Variants in GAREM2 observed in about 807,000 individuals in gnomAD.
GAREM2 encodes GRB2 associated regulator of MAPK1 subtype 2, also known as GRB2-associated and regulator of MAPK protein 2.
In GAREM2, 30 loss-of-function variants were observed where a neutral mutation model predicts 55.6. The observed-to-expected ratio is 0.54, with a 90% CI of 0.40 to 0.73. GAREM2 has a LOEUF of 0.73. Ranked by LOEUF, GAREM2 falls within the 30% of genes least tolerant of loss-of-function variation. GAREM2 has a pLI of 0.00. For synonymous variants in GAREM2, 550 were observed against 569.1 expected (o/e 0.97, Z 0.48); for missense variants, 1,075 against 1,257.7 (o/e 0.85, Z 2.20).
chr2:26,176,247 G>T (rs1202440511), intron 1 of GAREM2, 97 bp from the exon 2 acceptor site: 37 of 1,201,290 alleles, frequency 3.1e-5, no homozygotes, highest in Non-Finnish European at 4.1e-5. Flanking sequence ...TCCCTCAGGG[G>T]GGCGGTCTTG....
In GAREM2 at chr2:26,185,280, A is replaced by G; in HGVS notation, c.1428+4A>G. 6.6e-7 allele frequency: 1 copy of G among 1,509,692 alleles called. No homozygotes were observed. Among genetic ancestry groups the G allele is most frequent in the Non-Finnish European group, 8.8e-7 (1 of 1,135,826 alleles). 93.5% of individuals were successfully genotyped at this position (1,509,692 alleles called of 1,614,324 possible). ...AGTCCCTCCCAAATCCGAGGCGGTG[A>G]GTGAGCGCGCTGGGGGCCGAGTCCC... On this transcript the variant is annotated splice_donor_region_variant and intron_variant, in intron 4 of 5. Coordinates refer to ENST00000401533, the MANE Select transcript of GAREM2 (RefSeq NM_001168241.2).
chr2:26,187,800 G>A lies in GAREM2; in HGVS notation c.2168G>A (p.Arg723Lys). Reference sequence around the variant, plus strand: ...GAGCTGCTGCGTTCTCAGGAGCCCAGAGCAGTGGGGACACCTGGGCCTGGA... The same window carrying A: ...GAGCTGCTGCGTTCTCAGGAGCCCAAAGCAGTGGGGACACCTGGGCCTGGA... ...EPELLRSQEP[R>K]AVGTPGPGPR... The change falls in exon 6 of 6, where the codon AGA becomes AAA. Residue 723 changes from arginine (R) to lysine (K), a missense_variant. Coordinates refer to ENST00000401533, the MANE Select transcript of GAREM2 (RefSeq NM_001168241.2). 1 of 1,444,292 alleles carries A rather than the reference G, an allele frequency of 6.9e-7. No individual in the cohort carries two copies. The highest frequency in any genetic ancestry group is 9.1e-7 in the Non-Finnish European group (1 of 1,094,088). 89.5% of individuals were successfully genotyped at this position (1,444,292 alleles called of 1,614,324 possible).
chr2:26,192,469 A>C (rs1558314103), downstream of GAREM2: 3 of 1,049,768 alleles, frequency 2.9e-6, no homozygotes, highest in African/African-American at 4.7e-5. Flanking sequence ...GTTCTCAGGG[A>C]GGGAGTGTTA....
At chr2:26,196,437 G>A in the GAREM2 span, among the ~76,000 whole-genome samples, 1 of 152,152 alleles carries the variant, frequency 6.6e-6, no homozygotes, top group Non-Finnish European at 1.5e-5. Flanking sequence ...AGATCTTGAA[G>A]TGTTCACATC....
Position 26,187,429 on chromosome 2 carries a change from G to A in GAREM2, c.1797G>A (p.Leu599=), listed in dbSNP as rs1019534063. The part of the protein sequence containing the change: ...EPLSGRAASL[L]GADTPVKTYH... ...TGAGCGGTCGAGCCGCCTCCCTTCT[G>A]GGGGCTGACACCCCTGTTAAGACCT... Residue 599 remains leucine, a synonymous_variant, in exon 6 of 6, where the codon CTG becomes CTA. Coordinates refer to ENST00000401533, the MANE Select transcript of GAREM2 (RefSeq NM_001168241.2). 2 of 1,547,636 alleles carry A rather than the reference G, an allele frequency of 1.3e-6. No homozygotes were observed. Among genetic ancestry groups the A allele is most frequent in the African/African-American group, 2.7e-5 (2 of 72,960 alleles).
At position 26,181,214 on chromosome 2, in the gene GAREM2, C is replaced by T. The variant is rs1049466600; in HGVS notation, c.254-1753C>T. The stretch of plus-strand genomic sequence containing the variant: ...AGCTTTACTGCTTTAGCAAGGCATT[C>T]AGAGCCTTTCAAATCCCAGTTGCTG... On this transcript the variant is annotated intron_variant, in intron 2 of 5. Coordinates refer to ENST00000401533, the MANE Select transcript of GAREM2 (RefSeq NM_001168241.2). The T allele has an allele frequency of 9.2e-6, 8 of 864,952 alleles. No homozygotes were observed. The Admixed American group carries it at 5.0e-4, about 54-fold the overall frequency. 53.6% of individuals were successfully genotyped at this position (864,952 alleles called of 1,614,324 possible).
chr2:26,183,203 G>A (rs1284624340), intron 3 of GAREM2, 106 bp downstream of exon 3: 30 of 1,286,822 alleles, frequency 2.3e-5, no homozygotes, highest in South Asian at 1.8e-4. Context: ...GAAGGAGAGC[G>A]GCTCCTGGGG....
At chr2:26,195,413 G>A in the GAREM2 span, among the ~76,000 whole-genome samples, 2 of 152,128 alleles carry the variant, frequency 1.3e-5, no homozygotes, top group Admixed American at 6.6e-5. Context: ...TTTAGGGAGA[G>A]CACATTGGAA....
Position 26,185,071 on chromosome 2 carries a change from A to C in GAREM2, c.1223A>C (p.Glu408Ala). ...GCTCCCGCCGGCGAGGGCGACCAGG[A>C]GTACGTGAGCCCCGACTGGGCAGCC... ...APAPAGEGDQ[E>A]YVSPDWAAAP... Residue 408 changes from glutamate to alanine, a missense_variant, in exon 4 of 6, where the codon GAG (glutamate) becomes GCG (alanine). This residue lies in a region of GAREM2 where 515 missense variants were observed against 501.5 expected (regional missense o/e 1.03). Transcript: ENST00000401533. 6.7e-6 allele frequency: 9 copies of C among 1,338,808 alleles called. No homozygotes were observed. The highest frequency in any genetic ancestry group is 7.6e-6 in the Non-Finnish European group (8 of 1,048,888). 82.9% of individuals were successfully genotyped at this position (1,338,808 alleles called of 1,614,324 possible). A position where few individuals can be genotyped will look rare whatever the true frequency, so the allele number is the denominator to read the frequency against.
intron 2 of GAREM2, chr2:26,182,110 T>G: frequency 9.0e-7 from 1 of 1,109,990 alleles, no homozygotes. Flanking sequence ...GCTCAGAGCT[T>G]GTTTTGTGCT....
Position 26,184,778 on chromosome 2 carries a change from G to C in GAREM2, c.930G>C (p.Pro310=). Residue 310 remains proline (P), a synonymous_variant, in exon 4 of 6, where the codon CCG becomes CCC. Coordinates refer to ENST00000401533, the MANE Select transcript of GAREM2 (RefSeq NM_001168241.2). ...VLGLALRREG[P]APLHFLLLTD... Reference sequence around the variant, plus strand: ...GGCTGGCGCTGCGCCGCGAGGGCCCGGCGCCGCTGCACTTCCTGCTGCTCA... The same window carrying C: ...GGCTGGCGCTGCGCCGCGAGGGCCCCGCGCCGCTGCACTTCCTGCTGCTCA... 1 of 1,499,676 alleles carries C rather than the reference G, an allele frequency of 6.7e-7. No homozygotes were observed. The highest frequency in any genetic ancestry group is 8.8e-7 in the Non-Finnish European group (1 of 1,130,832). The allele number at this position is 1,499,676 out of a possible 1,614,324, so 92.9% of individuals were successfully genotyped here. A position where few individuals can be genotyped will look rare whatever the true frequency, so the allele number is the denominator to read the frequency against.
At chr2:26,193,098 C>T (rs193281345), downstream of GAREM2, among the ~76,000 whole-genome samples, 2 of 152,204 alleles carry the variant, frequency 1.3e-5, no homozygotes, top group East Asian at 3.9e-4. Context: ...ATTCTCCTCA[C>T]AGGTGGCCAG....
At position 26,187,474 on chromosome 2, in the gene GAREM2, A is replaced by G. The variant is rs948476651; in HGVS notation, c.1842A>G (p.Leu614=). ...PVKTYHSCPP[L]FKPSHPQKRF... ...AGACCTACCACAGCTGCCCTCCTCT[A>G]TTCAAGCCCTCACATCCCCAGAAGC... The change falls in exon 6 of 6, where the codon CTA becomes CTG. Residue 614 remains leucine, a synonymous_variant. Transcript: ENST00000401533. The G allele has an allele frequency of 5.2e-6, 8 of 1,547,554 alleles. No individual in the cohort carries two copies. Among genetic ancestry groups the G allele is most frequent in the East Asian group, 2.5e-5 (1 of 40,812 alleles).
chr2:26,192,418 T>A (rs1669535287), downstream of GAREM2: 2 of 1,548,092 alleles, frequency 1.3e-6, no homozygotes, highest in Non-Finnish European at 1.8e-6. Flanking sequence ...CTTCCCAGAT[T>A]TACGACCTAA....
chr2:26,187,203 ATG>A (rs1226771611), intron 5 of GAREM2, 26 bp from the exon 6 acceptor site: 4 of 1,434,258 alleles, frequency 2.8e-6, no homozygotes, highest in Admixed American at 3.0e-5. Flanking sequence ...CACCTGTCCT[ATG>A]TGTGTGTGTC....
At chr2:26,191,371 T>C (rs1350429116), downstream of GAREM2, 1 of 1,614,010 alleles carries the variant, frequency 6.2e-7, no homozygotes, top group Non-Finnish European at 8.5e-7. Flanking sequence ...CTGGGCGCCA[T>C]ACAGATCCAC....
chr2:26,191,664 G>A (rs575328538), downstream of GAREM2: 94 of 1,608,324 alleles, frequency 5.8e-5, no homozygotes, highest in East Asian at 2.0e-3. Context: ...TAGAAGAAGA[G>A]GAAAAGGGGA....
Position 26,185,180 on chromosome 2 carries a change from G to A in GAREM2, c.1332G>A (p.Pro444=). 6.6e-7 allele frequency: 1 copy of A among 1,508,090 alleles called. No homozygotes were observed. Among genetic ancestry groups the A allele is most frequent in the Non-Finnish European group, 8.8e-7 (1 of 1,135,780 alleles). 93.4% of individuals were successfully genotyped at this position (1,508,090 alleles called of 1,614,324 possible). Residue 444 remains proline (P), a synonymous_variant, in exon 4 of 6, where the codon CCG becomes CCA. Coordinates refer to ENST00000401533, the MANE Select transcript of GAREM2 (RefSeq NM_001168241.2). ...AHQGPEGLVR[P]PPGLDLISFG... The stretch of plus-strand genomic sequence containing the variant: ...AGGGGCCCGAGGGCCTCGTCCGGCC[G>A]CCCCCAGGGCTCGATCTCATCTCCT...
downstream of GAREM2, chr2:26,193,909 C>G: frequency 1.5e-6 from 1 of 686,158 alleles, no homozygotes; most frequent in Non-Finnish European, 2.6e-6. Flanking sequence ...AGGACTGGTG[C>G]TATTTCATTC....
Sources: allele counts gnomAD v4.1 joint callset (sites outside exome capture counted in the v4.1 genomes callset), GRCh38; gene constraint gnomAD v4.1.1; regional missense constraint gnomAD v4.1.1; transcripts MANE v1.5; gene names NCBI Gene and HGNC (gene_info 2026-07-23, HGNC 2026-07-21).